The following ARHGAP6 variants were observed in gnomAD, a reference collection of about 807,000 sequenced individuals.
The protein encoded by ARHGAP6 is Rho GTPase activating protein 6.
Under a neutral mutation model 55.7 loss-of-function variants are expected in ARHGAP6, and 16 were observed. That is an observed-to-expected ratio of 0.29 (90% CI 0.19 to 0.44). The LOEUF (loss-of-function observed/expected upper bound fraction) is 0.44, where lower values mean the gene tolerates loss of function less well. Ranked by LOEUF, ARHGAP6 falls within the 20% of genes least tolerant of loss-of-function variation. The pLI is 1.00. For synonymous variants in ARHGAP6, 382 were observed against 360.9 expected (o/e 1.06, Z -0.66); for missense variants, 698 against 808.9 (o/e 0.86, Z 1.66).
chrX:11,603,325 G>A (rs1025816004), intron 1 of ARHGAP6, among the ~76,000 whole-genome samples: 1 of 111,974 alleles, frequency 8.9e-6, no homozygotes, highest in African/African-American at 3.2e-5. Context: ...GAGCATTTCA[G>A]TCCTAATTTT....
chrX:11,375,984 G>A (rs1381050771), intron 1 of ARHGAP6, among the ~76,000 whole-genome samples: 1 of 111,312 alleles, frequency 9.0e-6, no homozygotes, highest in Non-Finnish European at 1.9e-5. Context: ...AGCAGTAAAG[G>A]ATAGTAACAA....
At position 11,188,809 on chromosome X, in the gene ARHGAP6, T is replaced by C; in HGVS notation, c.996A>G (p.Ser332=). Residue 332 remains serine, a synonymous_variant, in exon 4 of 13, where the codon TCA becomes TCG. Transcript: ENST00000337414. ...GTGTTTCTGAGGTTGAGCTGAGAGA[T>C]GAGTTACTGCTTGAGAGTTCTTTGT... ...RQNKELSSSN[S]SLSSTSETPN... 8.3e-7 allele frequency: 1 copy of C among 1,211,691 alleles called. No homozygotes were observed. Among genetic ancestry groups the C allele is most frequent in the South Asian group, 1.8e-5 (1 of 56,978 alleles).
chrX:11,351,243 A>T, intron 1 of ARHGAP6: 1 of 684,536 alleles, frequency 1.5e-6, no homozygotes, highest in Non-Finnish European at 1.8e-6. Context: ...AACTGAAATT[A>T]GTCAAAATGA....
At chrX:11,378,227 G>A (rs1239078876) in intron 1 of ARHGAP6, among the ~76,000 whole-genome samples, 1 of 112,336 alleles carries the variant, frequency 8.9e-6, no homozygotes, top group Non-Finnish European at 1.9e-5. Context: ...CAGCTTTATT[G>A]ATATATATTT....
chrX:11,644,059 C>T (rs1300692395), intron 1 of ARHGAP6, among the ~76,000 whole-genome samples: 1 of 111,502 alleles, frequency 9.0e-6, no homozygotes, highest in Non-Finnish European at 1.9e-5. Context: ...ACAACTTTAT[C>T]GTGGTCATAG....
At chrX:11,606,874 C>A (rs1332794596) in intron 1 of ARHGAP6, among the ~76,000 whole-genome samples, 1 of 111,831 alleles carries the variant, frequency 8.9e-6, no homozygotes, top group Non-Finnish European at 1.9e-5. Flanking sequence ...AAATGTTGCT[C>A]AAAATGTAGT....
intron 1 of ARHGAP6, among the ~76,000 whole-genome samples, chrX:11,511,721 G>C (rs915105426): frequency 1.8e-5 from 2 of 111,703 alleles, no homozygotes; most frequent in Non-Finnish European, 3.8e-5. Context: ...GGTGTGTGGA[G>C]GTGGTAATCA....
intron 1 of ARHGAP6, among the ~76,000 whole-genome samples, chrX:11,259,438 T>C (rs762287252): frequency 5.4e-5 from 6 of 112,123 alleles, no homozygotes; most frequent in African/African-American, 1.6e-4. Flanking sequence ...TGAGAACCAC[T>C]GAGCTCAAGG....
At chrX:11,590,594 G>T (rs997675712) in intron 1 of ARHGAP6, among the ~76,000 whole-genome samples, 1 of 106,838 alleles carries the variant, frequency 9.4e-6, no homozygotes, top group African/African-American at 3.4e-5. Flanking sequence ...AGACCAGCCT[G>T]GCCAACATGG....
At chrX:11,195,778 T>C (rs886351802) in intron 3 of ARHGAP6, among the ~76,000 whole-genome samples, 3 of 107,893 alleles carry the variant, frequency 2.8e-5, no homozygotes, top group Admixed American at 2.0e-4. Flanking sequence ...TTTACCTATA[T>C]AAGAAACATG....
rs73500811 is a variant in ARHGAP6, at chrX:11,413,374, C to T, written c.589-158667G>A. On this transcript the variant is annotated intron_variant, in intron 1 of 12. Transcript: ENST00000337414. The stretch of plus-strand genomic sequence containing the variant: ...TGGTGTAGAGCTAAAGCTGTTAAGA[C>T]GTCTTCATTCAAAGGGTCACAAGAA... Among the ~76,000 whole-genome samples, 710 of 110,951 alleles carry T rather than the reference C, an allele frequency of 6.4e-3. 6 individuals are homozygous for T. The highest frequency in any genetic ancestry group is 0.022 in the African/African-American group (674 of 30,446).
rs779491147 is a variant in ARHGAP6 at position 11,202,562 on chromosome X, C to T, written c.749-5566G>A. Among the ~76,000 whole-genome samples, 5 of 110,712 alleles carry T rather than the reference C, an allele frequency of 4.5e-5. No individual in the cohort carries two copies. In the East Asian group the frequency reaches 1.4e-3, roughly 31 times the overall value. Reference sequence around the variant, plus strand: ...GTGGTTCACACCTGTAATCCCAGCACTTTGGGAGGCCCAGGCGGGCAGGTT... The same window carrying T: ...GTGGTTCACACCTGTAATCCCAGCATTTTGGGAGGCCCAGGCGGGCAGGTT... On this transcript the variant is annotated intron_variant, in intron 2 of 12. Transcript: ENST00000337414.
chrX:11,206,744 C>T (rs66721305), intron 2 of ARHGAP6, among the ~76,000 whole-genome samples: 18,621 of 110,857 alleles, frequency 0.17, 1,201 homozygotes, highest in Middle Eastern at 0.22. Context: ...TTTATTTCTA[C>T]TGGAATAATT....
chrX:11,199,862 A>C (rs769277505), intron 2 of ARHGAP6, among the ~76,000 whole-genome samples: 1 of 112,683 alleles, frequency 8.9e-6, no homozygotes, highest in East Asian at 2.8e-4. Context: ...TTGCTTTAGC[A>C]CACCATTTTC....
intron 1 of ARHGAP6, among the ~76,000 whole-genome samples, chrX:11,480,695 C>G (rs938114449): frequency 4.5e-5 from 5 of 112,155 alleles, no homozygotes; most frequent in African/African-American, 1.3e-4. Flanking sequence ...TTCCTCCCCC[C>G]AGTCTTTTTT....
chrX:11,212,968 C>T (rs1454051082), intron 2 of ARHGAP6, among the ~76,000 whole-genome samples: 1 of 112,832 alleles, frequency 8.9e-6, no homozygotes, highest in Non-Finnish European at 1.9e-5. Flanking sequence ...GTAGTGGGGC[C>T]GTGTGGGGCC....
At chrX:11,661,063 A>C (rs1410132546) in intron 1 of ARHGAP6, among the ~76,000 whole-genome samples, 1 of 112,373 alleles carries the variant, frequency 8.9e-6, no homozygotes, top group Non-Finnish European at 1.9e-5. Context: ...AATGAAGAAA[A>C]GTATAGACGC....
intron 1 of ARHGAP6, among the ~76,000 whole-genome samples, chrX:11,446,626 G>A (rs2147803205): frequency 9.0e-6 from 1 of 111,081 alleles, no homozygotes; most frequent in East Asian, 2.8e-4. Flanking sequence ...TAATTCCAAA[G>A]AATGACTGAT....
At chrX:11,555,253 G>C (rs984661849) in intron 1 of ARHGAP6, among the ~76,000 whole-genome samples, 7 of 112,208 alleles carry the variant, frequency 6.2e-5, no homozygotes, top group African/African-American at 1.9e-4. Context: ...AAACAAAGGA[G>C]GTAGTCCTCA....
Sources: gnomAD v4.1 joint callset for allele counts (sites outside exome capture counted in the v4.1 genomes callset) on GRCh38, gnomAD v4.1.1 for gene constraint, MANE v1.5 for transcripts, NCBI Gene and HGNC (gene_info 2026-07-23, HGNC 2026-07-21) for gene names.